Variants in HPS3 observed in about 807,000 individuals in gnomAD.
HPS3 encodes HPS3 biogenesis of lysosomal organelles complex 2 subunit 1.
HPS3 carries 79 observed loss-of-function variants against 110.9 expected under a neutral mutation model. The ratio of observed to expected loss-of-function variants is 0.71; its 90% confidence interval spans 0.59 to 0.86. The LOEUF is 0.86. Ranked by LOEUF, HPS3 falls within the 40% of genes least tolerant of loss-of-function variation. HPS3 has a pLI of 0.00. For missense variants in HPS3, 1,197 were observed against 1,206.2 expected, an observed-to-expected ratio of 0.99 and a Z score of 0.11; for synonymous variants, 428 against 451.0, an observed-to-expected ratio of 0.95 and a Z score of 0.65.
chr3:149,161,672 G>A (rs1302952750), intron 11 of HPS3, among the ~76,000 whole-genome samples: 1 of 151,992 alleles, frequency 6.6e-6, no homozygotes, highest in African/African-American at 2.4e-5. Flanking sequence ...ACCATGCTTG[G>A]CTAATTTTTG....
At chr3:149,147,337 A>T (rs1325367021) in intron 5 of HPS3, among the ~76,000 whole-genome samples, 1 of 152,186 alleles carries the variant, frequency 6.6e-6, no homozygotes, top group Non-Finnish European at 1.5e-5. Flanking sequence ...CCAAAAAAAA[A>T]GTTGATTATT....
rs1368282135 is a variant in HPS3 at position 149,140,049 on chromosome 3, T to TTTGTTTTTCTCC, written c.263_264insTTGTTTTTCTCC (p.Leu88_Arg89insCysPheSerPro). On this transcript the variant is annotated inframe_insertion, in exon 2 of 17. Coordinates refer to ENST00000296051, the MANE Select transcript of HPS3 (RefSeq NM_032383.5). ...GAAGAGAAAAACAAAGCTACATTTC[T>TTTGTTTTTCTCC]ACGTGCTTATGTGAACTGGAGAAAT... is the stretch of plus-strand genomic sequence containing the variant. The TTTGTTTTTCTCC allele has an allele frequency of 1.2e-6, 2 of 1,613,354 alleles. No homozygotes were observed. The highest frequency in any genetic ancestry group is 4.5e-5 in the East Asian group (2 of 44,890).
intron 1 of HPS3, 101 bp from the exon 2 acceptor site, chr3:149,139,903 C>A: frequency 9.0e-7 from 1 of 1,115,430 alleles, no homozygotes; most frequent in Middle Eastern, 2.1e-4. Flanking sequence ...GTCTTTAATT[C>A]GACCATTTGT....
chr3:149,161,288 A>G (rs1018183531), intron 11 of HPS3, among the ~76,000 whole-genome samples: 3 of 152,168 alleles, frequency 2.0e-5, no homozygotes, highest in African/African-American at 7.2e-5. Context: ...AACCTTCTAC[A>G]GTTACCAACA....
intron 5 of HPS3, among the ~76,000 whole-genome samples, chr3:149,149,099 G>A (rs12488534): frequency 0.17 from 24,810 of 149,648 alleles, 2,113 homozygotes; most frequent in African/African-American, 0.19. Flanking sequence ...GACTACAGGC[G>A]CCCACCACCA....
intron 7 of HPS3, 73 bp from the exon 8 acceptor site, chr3:149,155,034 A>G: frequency 1.2e-6 from 1 of 814,546 alleles, no homozygotes. Flanking sequence ...TTTTATATCC[A>G]ATATTTACCA....
intron 6 of HPS3, among the ~76,000 whole-genome samples, chr3:149,151,942 TACTCTTTC>T (rs1175672170): frequency 4.6e-5 from 7 of 152,214 alleles, no homozygotes; most frequent in Admixed American, 1.3e-4. Context: ...GTGTCTGAGA[TACTCTTTC>T]ACGGTCACTG....
In HPS3 at chr3:149,151,615, AAG is replaced by A. The variant is rs1421021814; in HGVS notation, c.1245+936_1245+937del. On this transcript the variant is annotated intron_variant, in intron 6 of 16. Coordinates refer to ENST00000296051, the MANE Select transcript of HPS3 (RefSeq NM_032383.5). ...AAAAAAAAAAAAAAAAAAAAAAAAA[AAG>A]CCTCTTGACCACAGAATAAATGTAG... is the stretch of plus-strand genomic sequence containing the variant. 4.7e-3 allele frequency among the ~76,000 whole-genome samples: 499 copies of A among 105,896 alleles called. 24 individuals carry two copies. Among genetic ancestry groups the A allele is most frequent in the African/African-American group, 0.014 (381 of 26,992 alleles). The allele number at this position is 105,896 out of a possible 152,430, so 69.5% of individuals were successfully genotyped here.
intron 1 of HPS3, among the ~76,000 whole-genome samples, chr3:149,131,758 C>T (rs1233734016): frequency 4.6e-5 from 7 of 152,316 alleles, no homozygotes; most frequent in Admixed American, 2.6e-4. Context: ...GGAAGGCAGG[C>T]GTGTCAGAAG....
Position 149,157,512 on chromosome 3 carries a change from C to T in HPS3, c.1672C>T (p.Leu558Phe), listed in dbSNP as rs547126954. 2 of 1,613,726 alleles carry T rather than the reference C, an allele frequency of 1.2e-6. No individual in the cohort carries two copies. Among genetic ancestry groups the T allele is most frequent in the East Asian group, 2.2e-5 (1 of 44,876 alleles). The change falls in exon 9 of 17, where the codon CTT (leucine) becomes TTT (phenylalanine). Residue 558 changes from leucine (L) to phenylalanine (F), a missense_variant. Transcript: ENST00000296051. Reference protein sequence around the residue: ...LEAFKESCGHLGDCYSRLDSQ... With the variant: ...LEAFKESCGHFGDCYSRLDSQ... ...AGCATTTAAGGAAAGCTGTGGGCAC[C>T]TTGGGGACTGTTACAGCAGGTGGGT...
intron 4 of HPS3, among the ~76,000 whole-genome samples, chr3:149,143,082 G>A (rs996907935): frequency 2.6e-5 from 4 of 152,144 alleles, no homozygotes; most frequent in African/African-American, 9.7e-5. Context: ...CAGGGCTGGA[G>A]ACCAGACAGG....
In HPS3 at chr3:149,140,515, A is replaced by T. The variant is rs376567918; in HGVS notation, c.712+17A>T. 3 of 1,613,894 alleles carry T rather than the reference A, an allele frequency of 1.9e-6. No homozygotes were observed. The highest frequency in any genetic ancestry group is 2.5e-6 in the Non-Finnish European group (3 of 1,179,874). On this transcript the variant is annotated intron_variant, in intron 2 of 16. Transcript: ENST00000296051. ...CAGAAGAAGGTAAATAATGAATTTG[A>T]CTTGCTTTCTTGTTTTAGGAATATA... is the stretch of plus-strand genomic sequence containing the variant.
chr3:149,168,144 A>T (rs1724619236), intron 16 of HPS3, 161 bp downstream of exon 16: 1 of 613,754 alleles, frequency 1.6e-6, no homozygotes, highest in African/African-American at 1.9e-5. Context: ...TCCCCTTGAC[A>T]TTTGATATTG....
rs761176906 is a variant in HPS3 at position 149,129,893 on chromosome 3, C to G, written c.170C>G (p.Ala57Gly). ...CAGGAGCTGTGCCAGCCGCGGTGCG[C>G]CTTCTCCACGCTGGGCCGGGTGTTG... ...AGQELCQPRCAFSTLGRVLRL... is the reference protein window; with the variant it reads ...AGQELCQPRCGFSTLGRVLRL... The change falls in exon 1 of 17, where the codon GCC becomes GGC. Residue 57 changes from alanine to glycine, a missense_variant. By Grantham distance (60) the Ala-to-Gly change is moderately conservative (BLOSUM62 0). Transcript: ENST00000296051. 6.3e-7 allele frequency: 1 copy of G among 1,584,670 alleles called. No homozygotes were observed. Among genetic ancestry groups the G allele is most frequent in the South Asian group, 1.1e-5 (1 of 88,810 alleles).
intron 1 of HPS3, among the ~76,000 whole-genome samples, chr3:149,138,592 A>G (rs570695722): frequency 6.6e-6 from 1 of 152,364 alleles, no homozygotes; most frequent in Non-Finnish European, 1.5e-5. Flanking sequence ...TAAAAAGGGT[A>G]TGGTAAAACA....
At chr3:149,138,709 TAAG>T (rs1722266509) in intron 1 of HPS3, among the ~76,000 whole-genome samples, 1 of 152,110 alleles carries the variant, frequency 6.6e-6, no homozygotes, top group Non-Finnish European at 1.5e-5. Context: ...AGTGTCATGA[TAAG>T]AAAAACAAAT....
chr3:149,143,526 C>A (rs1722610395), intron 4 of HPS3, among the ~76,000 whole-genome samples: 1 of 152,186 alleles, frequency 6.6e-6, no homozygotes, highest in Non-Finnish European at 1.5e-5. Context: ...GTTTTGAACA[C>A]TGTTGTATCC....
At chr3:149,164,009 A>T (rs1724159939) in intron 14 of HPS3, 60 bp downstream of exon 14, 1 of 895,046 alleles carries the variant, frequency 1.1e-6, no homozygotes, top group African/African-American at 1.6e-5. Context: ...TGTAAGATTA[A>T]ATTTGCTGAG....
At position 149,129,882 on chromosome 3, in the gene HPS3, G is replaced by C; in HGVS notation, c.159G>C (p.Gln53His). The change falls in exon 1 of 17, where the codon CAG becomes CAC. Residue 53 changes from glutamine (Q) to histidine (H), a missense_variant. Physicochemically the swap from Gln to His is conservative, Grantham distance 24 (BLOSUM62 0). Coordinates refer to ENST00000296051, the MANE Select transcript of HPS3 (RefSeq NM_032383.5). ...CGGTGGCCGGCCAGGAGCTGTGCCA[G>C]CCGCGGTGCGCCTTCTCCACGCTGG... ...AFAVAGQELC[Q>H]PRCAFSTLGR... 6.3e-7 allele frequency: 1 copy of C among 1,589,340 alleles called. No individual in the cohort carries two copies. The highest frequency in any genetic ancestry group is 2.3e-5 in the East Asian group (1 of 43,864).
Sources: allele counts gnomAD v4.1 joint callset (sites outside exome capture counted in the v4.1 genomes callset), GRCh38; gene constraint gnomAD v4.1.1; transcripts MANE v1.5; gene names NCBI Gene and HGNC (gene_info 2026-07-23, HGNC 2026-07-21).